The following TBC1D2B variants were observed in gnomAD, a reference collection of about 807,000 sequenced individuals.
TBC1D2B encodes the protein TBC1 domain family member 2B.
In TBC1D2B, 64 loss-of-function variants were observed where a neutral mutation model predicts 100.8. The observed-to-expected ratio is 0.64, with a 90% CI of 0.52 to 0.78. The LOEUF is 0.78. Ranked by LOEUF, TBC1D2B falls within the 30% of genes least tolerant of loss-of-function variation. TBC1D2B has a pLI of 0.00. For missense variants in TBC1D2B, 1,052 were observed against 1,218.4 expected, an observed-to-expected ratio of 0.86 and a Z score of 2.03; for synonymous variants, 480 against 479.7, an observed-to-expected ratio of 1.00 and a Z score of -0.01.
Position 78,054,250 on chromosome 15 carries a change from T to C in TBC1D2B, c.361-63A>G. On this transcript the variant is annotated intron_variant, in intron 1 of 12. Coordinates refer to ENST00000300584, the MANE Select transcript of TBC1D2B (RefSeq NM_144572.2). ...AGTAATATGAAGAGCTTAAAAAATA[T>C]TATGTCTCATGAGTAGACTGTTCAG... 4 of 1,510,420 alleles carry C rather than the reference T, an allele frequency of 2.6e-6. 1 individual carries two copies. Among genetic ancestry groups the C allele is most frequent in the South Asian group, 2.6e-5 (2 of 78,022 alleles). The allele number at this position is 1,510,420 out of a possible 1,614,324, so 93.6% of individuals were successfully genotyped here.
intron 2 of TBC1D2B, chr15:78,053,829 GC>G: frequency 1.8e-6 from 1 of 555,984 alleles, no homozygotes; most frequent in Non-Finnish European, 3.1e-6. Flanking sequence ...CTTGGCACTG[GC>G]CTTGCCTGAT....
chr15:78,050,732 C>A (rs1417200990), intron 2 of TBC1D2B, among the ~76,000 whole-genome samples: 1 of 152,186 alleles, frequency 6.6e-6, no homozygotes, highest in Non-Finnish European at 1.5e-5. Flanking sequence ...GCAGACAGAA[C>A]AGATACTGAC....
intron 7 of TBC1D2B, 40 bp from the exon 8 acceptor site, chr15:78,016,779 C>G (rs1341077725): frequency 6.9e-7 from 1 of 1,455,162 alleles, no homozygotes; most frequent in African/African-American, 1.4e-5. Context: ...CAGACAGAGA[C>G]ACAGGAAGAG....
chr15:78,006,539 C>T (rs2072073209), intron 10 of TBC1D2B, among the ~76,000 whole-genome samples: 1 of 152,246 alleles, frequency 6.6e-6, no homozygotes, highest in South Asian at 2.1e-4. Context: ...AAGGTGAGAG[C>T]TCCAGCTCTC....
At chr15:78,050,585 T>C (rs1160514472) in intron 2 of TBC1D2B, among the ~76,000 whole-genome samples, 10 of 152,266 alleles carry the variant, frequency 6.6e-5, no homozygotes, top group Admixed American at 6.5e-4. Flanking sequence ...TAAAGGTTTA[T>C]AGACACCTGA....
At chr15:78,010,711 A>T (rs2072200886) in intron 9 of TBC1D2B, among the ~76,000 whole-genome samples, 1 of 152,174 alleles carries the variant, frequency 6.6e-6, no homozygotes, top group Non-Finnish European at 1.5e-5. Flanking sequence ...TAAATTCACC[A>T]ATATTCCAGA....
intron 2 of TBC1D2B, among the ~76,000 whole-genome samples, chr15:78,051,423 C>T (rs1464410249): frequency 6.6e-6 from 1 of 152,220 alleles, no homozygotes; most frequent in East Asian, 1.9e-4. Flanking sequence ...GGATACGTGA[C>T]TTACTTAGAG....
At chr15:78,062,583 G>A (rs1432215892) in intron 1 of TBC1D2B, among the ~76,000 whole-genome samples, 2 of 152,126 alleles carry the variant, frequency 1.3e-5, no homozygotes, top group African/African-American at 4.8e-5. Flanking sequence ...TGCATCACCA[G>A]AAATAACCTC....
At chr15:78,053,896 G>C in intron 2 of TBC1D2B, 138 bp downstream of exon 2, 1 of 1,006,048 alleles carries the variant, frequency 9.9e-7, no homozygotes, top group Non-Finnish European at 1.4e-6. Flanking sequence ...CTGGGTAACT[G>C]TGGAATGCTG....
intron 2 of TBC1D2B, chr15:78,053,671 GTCAA>G: frequency 5.5e-6 from 1 of 180,482 alleles, no homozygotes. Flanking sequence ...ACAAACACCT[GTCAA>G]TCTTGGCAAG....
intron 6 of TBC1D2B, among the ~76,000 whole-genome samples, chr15:78,018,701 G>T (rs376604448): frequency 2.0e-5 from 3 of 152,282 alleles, no homozygotes; most frequent in African/African-American, 7.2e-5. Context: ...TTCAGCCCTT[G>T]AAACTCCAAG....
At chr15:78,066,876 GC>G (rs1242650595) in intron 1 of TBC1D2B, among the ~76,000 whole-genome samples, 6 of 152,166 alleles carry the variant, frequency 3.9e-5, no homozygotes, top group Admixed American at 2.6e-4. Context: ...CTCAATCTCT[GC>G]CAGGGAAACA....
rs1366303701 is a variant in TBC1D2B, at chr15:78,077,561, G to A, written c.92C>T (p.Ala31Val). Residue 31 changes from alanine (A) to valine (V), a missense_variant, in exon 1 of 13, where the codon GCG becomes GTG. By Grantham distance (64) the Ala-to-Val change is moderately conservative. Coordinates refer to ENST00000300584, the MANE Select transcript of TBC1D2B (RefSeq NM_144572.2). ...GCCACACAGCCGCGCTGGCTCCCGC[G>A]CCGGACCCGCCCCGGGCTCCGCGGC... ...GAAAEPGAGP[A>V]REPARLCGYL... The A allele has an allele frequency of 2.1e-6, 3 of 1,446,188 alleles. No individual in the cohort carries two copies. Among genetic ancestry groups the A allele is most frequent in the Non-Finnish European group, 1.8e-6 (2 of 1,095,844 alleles). 89.6% of individuals were successfully genotyped at this position (1,446,188 alleles called of 1,614,324 possible). A position where few individuals can be genotyped will look rare whatever the true frequency, so the allele number is the denominator to read the frequency against.
chr15:78,040,884 G>GAAAGAAAGAAAGAAAGAAGGAAAGAA (rs1307551330), intron 3 of TBC1D2B, among the ~76,000 whole-genome samples: 1 of 90,372 alleles, frequency 1.1e-5, no homozygotes, highest in African/African-American at 3.8e-5. Flanking sequence ...GAAAGAAAGA[G>GAAAGAAAGAAAGAAAGAAGGAAAGAA]AGAGAGAGAG....
intron 12 of TBC1D2B, 98 bp downstream of exon 12, chr15:78,001,521 G>T: frequency 7.2e-7 from 1 of 1,396,592 alleles, no homozygotes; most frequent in Non-Finnish European, 9.5e-7. Context: ...CACCGGGGAT[G>T]GCTCTGAGTT....
chr15:78,077,252 C>G, intron 1 of TBC1D2B, 41 bp downstream of exon 1: 9 of 1,403,926 alleles, frequency 6.4e-6, no homozygotes, highest in Non-Finnish European at 8.3e-6. Flanking sequence ...CAGGGGACGC[C>G]GGCGGAAGCG....
chr15:78,011,663 T>G lies in TBC1D2B; in HGVS notation c.2270+1160A>C, dbSNP rs2072233365. 2.2e-5 allele frequency among the ~76,000 whole-genome samples: 3 copies of G among 136,684 alleles called. No individual in the cohort carries two copies. In the South Asian group the frequency reaches 7.0e-4, roughly 32 times the overall value. 89.7% of individuals were successfully genotyped at this position (136,684 alleles called of 152,430 possible). ...TTTTTTGGTTTTTTTTTTTTTTTTT[T>G]TTTTAGACAGAGTCTCGCTCTGTTG... On this transcript the variant is annotated intron_variant, in intron 9 of 12. Coordinates refer to ENST00000300584, the MANE Select transcript of TBC1D2B (RefSeq NM_144572.2).
At chr15:78,047,657 C>T (rs2073226015) in intron 2 of TBC1D2B, among the ~76,000 whole-genome samples, 7 of 152,204 alleles carry the variant, frequency 4.6e-5, no homozygotes, top group Admixed American at 4.6e-4. Context: ...TCAAACACCA[C>T]TAATCCAGTC....
chr15:78,009,195 A>G (rs1341115145), intron 9 of TBC1D2B, 81 bp from the exon 10 acceptor site: 3 of 1,028,530 alleles, frequency 2.9e-6, no homozygotes, highest in Non-Finnish European at 4.3e-6. Context: ...ATCTGCTTTA[A>G]GCCACTTTTT....
Sources: gnomAD v4.1 joint callset for allele counts (sites outside exome capture counted in the v4.1 genomes callset) on GRCh38, gnomAD v4.1.1 for gene constraint, MANE v1.5 for transcripts, NCBI Gene and HGNC (gene_info 2026-07-23, HGNC 2026-07-21) for gene names.